ATR: variants seen among roughly 807,000 people sequenced by gnomAD.
The protein encoded by ATR is ATR checkpoint kinase.
A neutral mutation model predicts 305.3 loss-of-function variants in ATR; 142 were observed. The ratio of observed to expected loss-of-function variants is 0.47; its 90% confidence interval spans 0.41 to 0.53. The LOEUF (loss-of-function observed/expected upper bound fraction) is 0.53. Among genes scored for constraint, ATR ranks in the 20% least tolerant of loss-of-function variants. The probability of loss-of-function intolerance (pLI) is 0.00; values close to 1 mark genes in which losing one functional copy is unlikely to be tolerated. For missense variants in ATR, 2,135 were observed against 3,133.1 expected, an observed-to-expected ratio of 0.68 and a Z score of 7.60; for synonymous variants, 1,050 against 1,068.1, an observed-to-expected ratio of 0.98 and a Z score of 0.33.
At chr3:142,560,237 C>G (rs1415653265) in intron 6 of ATR, 26 bp downstream of exon 6, 2 of 1,605,906 alleles carry the variant, frequency 1.2e-6, no homozygotes, top group Admixed American at 3.3e-5. Context: ...GAAACCCAAC[C>G]CCAAGAAACA....
At chr3:142,575,973 A>G (rs1450866007) in intron 1 of ATR, among the ~76,000 whole-genome samples, 8 of 152,218 alleles carry the variant, frequency 5.3e-5, no homozygotes, top group African/African-American at 1.9e-4. Flanking sequence ...TGTGCAGGGG[A>G]ACTTACAATA....
At chr3:142,543,862 A>C (rs1443362498) in intron 16 of ATR, among the ~76,000 whole-genome samples, 1 of 151,600 alleles carries the variant, frequency 6.6e-6, no homozygotes, top group East Asian at 2.0e-4. Context: ...GTAGAGATGG[A>C]GTTTCGCCAT....
Position 142,542,757 on chromosome 3 carries a change from C to G in ATR, c.3358G>C (p.Ala1120Pro). 1 of 1,606,792 alleles carries G rather than the reference C, an allele frequency of 6.2e-7. No individual in the cohort carries two copies. The highest frequency in any genetic ancestry group is 1.3e-5 in the African/African-American group (1 of 74,806). The change falls in exon 17 of 47, where the codon GCT becomes CCT. Residue 1120 changes from alanine (A) to proline (P), a missense_variant and splice_region_variant. Ala to Pro is a conservative substitution (Grantham distance 27). This residue lies in a region of ATR where 530 missense variants were observed against 766.8 expected (regional missense o/e 0.69). Coordinates refer to ENST00000350721, the MANE Select transcript of ATR (RefSeq NM_001184.4). The part of the protein sequence containing the change: ...PRDIISPELM[A>P]DYLQPKLLGI... ...AACAATTTGGGTTGTAAATAATCAG[C>G]CTAAGAAATAAAAACAGATAATATG...
intron 36 of ATR, among the ~76,000 whole-genome samples, chr3:142,471,259 T>C (rs9855140): frequency 0.63 from 95,869 of 152,016 alleles, 31,175 homozygotes; most frequent in African/African-American, 0.8. Flanking sequence ...GAGGTTCATC[T>C]ATGTTGTACC....
intron 39 of ATR, among the ~76,000 whole-genome samples, chr3:142,467,065 G>C (rs536347756): frequency 2.0e-5 from 3 of 152,196 alleles, no homozygotes; most frequent in Admixed American, 6.5e-5. Flanking sequence ...GATTAATGGA[G>C]ATAATAAATG....
Position 142,562,519 on chromosome 3 carries a change from A to G in ATR, c.883T>C (p.Leu295=). The G allele has an allele frequency of 6.2e-7, 1 of 1,613,860 alleles. No individual in the cohort carries two copies. The highest frequency in any genetic ancestry group is 8.5e-7 in the Non-Finnish European group (1 of 1,179,880). The change falls in exon 4 of 47, where the codon TTA becomes CTA. Residue 295 remains leucine, a synonymous_variant. Coordinates refer to ENST00000350721, the MANE Select transcript of ATR (RefSeq NM_001184.4). ...TDQLKLYEEP[L]SKLIKTLFPF... ...AATAGTGTCTTTATCAGCTTTGATA[A>G]TGGCTCTTCATAGAGTTTCAATTGG...
rs1577513795 is a variant in ATR at position 142,470,084 on chromosome 3, A to G, written c.6319+2T>C. 1 of 1,596,698 alleles carries G rather than the reference A, an allele frequency of 6.3e-7. No homozygotes were observed. The highest frequency in any genetic ancestry group is 8.6e-7 in the Non-Finnish European group (1 of 1,165,632). On this transcript the variant is annotated splice_donor_variant, in intron 37 of 46. Transcript: ENST00000350721. LOFTEE classifies it high-confidence loss of function. ...TTAAAACTTTTACGTGAAGAGTTAT[A>G]CCTTTTTCCCATTCATATGCCTTTG...
intron 37 of ATR, among the ~76,000 whole-genome samples, 157 bp from the exon 38 acceptor site, chr3:142,469,726 T>C (rs1230596796): frequency 6.6e-6 from 1 of 152,178 alleles, no homozygotes; most frequent in Non-Finnish European, 1.5e-5. Context: ...GAAAAGATAG[T>C]TGTCTCTGTC....
intron 36 of ATR, among the ~76,000 whole-genome samples, chr3:142,475,725 G>C (rs576935510): frequency 0.01 from 1,586 of 152,304 alleles, 12 homozygotes; most frequent in Non-Finnish European, 0.015. Flanking sequence ...CAGTGTAAAC[G>C]TGTTCCTATT....
intron 21 of ATR, among the ~76,000 whole-genome samples, chr3:142,528,870 TA>T (rs2033512545): frequency 1.5e-5 from 1 of 66,442 alleles, no homozygotes; most frequent in African/African-American, 1.0e-4. Flanking sequence ...TATATATATA[TA>T]TATATATATT....
At position 142,521,795 on chromosome 3, in the gene ATR, A is replaced by G. The variant is rs9821817; in HGVS notation, c.4266+933T>C. Among the ~76,000 whole-genome samples, 4 of 152,312 alleles carry G rather than the reference A, an allele frequency of 2.6e-5. No individual in the cohort carries two copies. In the South Asian group the frequency reaches 8.3e-4, roughly 32 times the overall value. ...GGACGAGGAGTTGCTTTTTATAAGC[A>G]AAGAAAGTGGTTTCTGGAGATGGAA... On this transcript the variant is annotated intron_variant, in intron 23 of 46. Coordinates refer to ENST00000350721, the MANE Select transcript of ATR (RefSeq NM_001184.4).
In ATR at chr3:142,508,060, G is replaced by T. The variant is rs2032347735; in HGVS notation, c.4902C>A (p.Asp1634Glu). The change falls in exon 28 of 47, where the codon GAC (aspartate) becomes GAA (glutamate). Residue 1634 changes from aspartate (D) to glutamate (E), a missense_variant. By Grantham distance (45) the Asp-to-Glu change is conservative. Coordinates refer to ENST00000350721, the MANE Select transcript of ATR (RefSeq NM_001184.4). ...CTGCCAGAGTATCCTGGGGTATGAG[G>T]TCTAGAAAACGGGTTACACTCTGAT... ...EDYQSVTRFL[D>E]LIPQDTLAVA... 3 of 1,613,018 alleles carry T rather than the reference G, an allele frequency of 1.9e-6. No individual in the cohort carries two copies. The highest frequency in any genetic ancestry group is 2.2e-5 in the South Asian group (2 of 91,000).
intron 28 of ATR, among the ~76,000 whole-genome samples, chr3:142,506,717 G>A (rs1300739333): frequency 6.6e-6 from 1 of 151,928 alleles, no homozygotes; most frequent in Admixed American, 6.6e-5. Flanking sequence ...ATAACAGAAG[G>A]GAAGAAAAAG....
At chr3:142,473,670 T>A (rs1422869921) in intron 36 of ATR, among the ~76,000 whole-genome samples, 1 of 151,500 alleles carries the variant, frequency 6.6e-6, no homozygotes, top group Admixed American at 6.6e-5. Context: ...CTCAACCTCC[T>A]GAGTAGCTAG....
intron 36 of ATR, among the ~76,000 whole-genome samples, chr3:142,482,485 AC>A (rs1302026352): frequency 1.4e-4 from 21 of 152,222 alleles, no homozygotes; most frequent in African/African-American, 5.1e-4. Context: ...ATCCCAAGGC[AC>A]ATGATATATA....
intron 25 of ATR, among the ~76,000 whole-genome samples, chr3:142,514,941 T>C (rs1042016220): frequency 1.6e-4 from 24 of 151,804 alleles, no homozygotes; most frequent in African/African-American, 4.8e-4. Flanking sequence ...ATTAAGGAAA[T>C]AGAAATATAC....
chr3:142,550,399 T>G (rs531755689), intron 13 of ATR, 97 bp from the exon 14 acceptor site: 1 of 1,274,498 alleles, frequency 7.8e-7, no homozygotes, highest in Non-Finnish European at 1.1e-6. Context: ...CAAATAGTAT[T>G]CTACATTATC....
At chr3:142,546,404 T>C (rs140296613) in intron 16 of ATR, among the ~76,000 whole-genome samples, 37 of 152,326 alleles carry the variant, frequency 2.4e-4, no homozygotes, top group Admixed American at 5.2e-4. Flanking sequence ...GCCCCTTTGT[T>C]AAACTATTTC....
intron 45 of ATR, among the ~76,000 whole-genome samples, chr3:142,454,437 C>CTTTT (rs760823609): frequency 4.4e-4 from 45 of 101,472 alleles, no homozygotes; most frequent in East Asian, 2.4e-3. Context: ...TGATAGACAG[C>CTTTT]TTTTTTTTTT....
Sources: gnomAD v4.1 joint callset for allele counts (sites outside exome capture counted in the v4.1 genomes callset) on GRCh38, gnomAD v4.1.1 for gene constraint, gnomAD v4.1.1 regional missense constraint, MANE v1.5 for transcripts, NCBI Gene and HGNC (gene_info 2026-07-23, HGNC 2026-07-21) for gene names.